GALNT1: variants seen among roughly 807,000 people sequenced by gnomAD.
GALNT1 encodes the protein polypeptide N-acetylgalactosaminyltransferase 1.
In GALNT1, 17 loss-of-function variants were observed where a neutral mutation model predicts 65.7. The observed-to-expected ratio is 0.26, with a 90% CI of 0.18 to 0.39. The LOEUF is 0.39. GALNT1 is among the 10% of genes least tolerant of loss of function. The pLI is 1.00. For synonymous variants in GALNT1, 210 were observed against 219.7 expected (o/e 0.96, Z 0.39); for missense variants, 460 against 672.8 (o/e 0.68, Z 3.50).
At chr18:35,663,506 G>GT in intron 2 of GALNT1, 122 bp from the exon 3 acceptor site, 1 of 942,136 alleles carries the variant, frequency 1.1e-6, no homozygotes, top group Non-Finnish European at 1.6e-6. Flanking sequence ...CTAGGAGAGG[G>GT]TGGGCTCAGA....
intron 6 of GALNT1, 36 bp downstream of exon 6, chr18:35,687,222 A>AAC (rs2047882371): frequency 5.0e-6 from 8 of 1,593,798 alleles, no homozygotes; most frequent in Non-Finnish European, 6.9e-6. Flanking sequence ...CTAAAGTGTT[A>AAC]TTGGCAGAAG....
chr18:35,582,645 G>A (rs1489024595), intron 1 of GALNT1, among the ~76,000 whole-genome samples: 1 of 152,156 alleles, frequency 6.6e-6, no homozygotes, highest in African/African-American at 2.4e-5. Flanking sequence ...GTTTCTGGAG[G>A]GCAGAGAATG....
In GALNT1 at chr18:35,710,770, G is replaced by A. The variant is rs1005215430; in HGVS notation, c.*1000G>A. On this transcript the variant is annotated 3_prime_UTR_variant, in exon 12 of 12. Coordinates refer to ENST00000269195, the MANE Select transcript of GALNT1 (RefSeq NM_020474.4). The stretch of plus-strand genomic sequence containing the variant: ...ACTGTACCACAGATTTGTTTTCACA[G>A]CAATAAATCTTCAGTTCTTTGTTTA... 6.6e-6 allele frequency: 1 copy of A among 152,598 alleles called. No homozygotes were observed. The highest frequency in any genetic ancestry group is 2.4e-5 in the African/African-American group (1 of 41,434). The allele number at this position is 152,598 out of a possible 1,614,324, so 9.5% of individuals were successfully genotyped here.
chr18:35,614,375 G>T (rs907739202), intron 1 of GALNT1, among the ~76,000 whole-genome samples: 3 of 151,982 alleles, frequency 2.0e-5, no homozygotes, highest in African/African-American at 7.2e-5. Context: ...TACAGAAAAA[G>T]AATTTATTAA....
At chr18:35,584,042 C>T (rs1301512029) in intron 1 of GALNT1, among the ~76,000 whole-genome samples, 1 of 152,088 alleles carries the variant, frequency 6.6e-6, no homozygotes, top group Non-Finnish European at 1.5e-5. Flanking sequence ...CTTTCTGTTC[C>T]AGAATCCAGT....
intron 1 of GALNT1, among the ~76,000 whole-genome samples, chr18:35,595,740 A>G (rs1044779938): frequency 1.3e-5 from 2 of 152,174 alleles, no homozygotes; most frequent in Non-Finnish European, 2.9e-5. Context: ...ATGTTTACAT[A>G]GTAAAATATC....
intron 9 of GALNT1, among the ~76,000 whole-genome samples, chr18:35,694,294 G>C (rs775948420): frequency 2.6e-5 from 4 of 152,086 alleles, no homozygotes; most frequent in African/African-American, 9.7e-5. Context: ...GGGCTTAAAG[G>C]GGTTTTTATT....
intron 1 of GALNT1, among the ~76,000 whole-genome samples, chr18:35,598,302 T>C (rs1420183191): frequency 1.3e-5 from 2 of 151,946 alleles, no homozygotes; most frequent in African/African-American, 4.8e-5. Context: ...TCCAAAGTAT[T>C]GGGATTACAG....
At chr18:35,655,347 A>G (rs1474379115) in intron 2 of GALNT1, among the ~76,000 whole-genome samples, 2 of 151,138 alleles carry the variant, frequency 1.3e-5, no homozygotes, top group Non-Finnish European at 2.9e-5. Context: ...CAGTGAGATC[A>G]TTGCAATATC....
intron 4 of GALNT1, among the ~76,000 whole-genome samples, chr18:35,678,747 CTT>C: frequency 6.6e-6 from 1 of 152,300 alleles, no homozygotes; most frequent in Non-Finnish European, 1.5e-5. Context: ...GTATCTTCAA[CTT>C]TCTTGCCTAT....
chr18:35,691,248 TGGA>T (rs1349510350), intron 8 of GALNT1, 56 bp downstream of exon 8: 14 of 1,463,062 alleles, frequency 9.6e-6, no homozygotes, highest in Admixed American at 4.5e-5. Flanking sequence ...ACCCTGATCC[TGGA>T]GGAGAAGTAA....
chr18:35,649,618 AT>A (rs942266688), intron 1 of GALNT1, among the ~76,000 whole-genome samples: 18 of 151,922 alleles, frequency 1.2e-4, no homozygotes, highest in Non-Finnish European at 2.5e-4. Flanking sequence ...AGTCCAGTTT[AT>A]TTTTTTTAAT....
chr18:35,679,689 G>T lies in GALNT1; in HGVS notation c.481+1932G>T, dbSNP rs144853107. Among the ~76,000 whole-genome samples, 311 of 152,236 alleles carry T rather than the reference G, an allele frequency of 2.0e-3. 9 individuals are homozygous for T. The East Asian group carries it at 0.042, about 20-fold the overall frequency. ...TCAAATATCCGGGTTACCATTTCCG[G>T]TATCTGGGAGACAGTAGATCTTTGT... is the stretch of plus-strand genomic sequence containing the variant. On this transcript the variant is annotated intron_variant, in intron 4 of 11. Coordinates refer to ENST00000269195, the MANE Select transcript of GALNT1 (RefSeq NM_020474.4).
At position 35,633,078 on chromosome 18, in the gene GALNT1, A is replaced by G. The variant is rs1317246852; in HGVS notation, c.-103-21482A>G. Reference sequence around the variant, plus strand: ...GGAGAGGTTGTGGAGAAATAGGAACACTTTTACACTGCTGGTGGGACTGTA... The same window carrying G: ...GGAGAGGTTGTGGAGAAATAGGAACGCTTTTACACTGCTGGTGGGACTGTA... On this transcript the variant is annotated intron_variant, in intron 1 of 11. Coordinates refer to ENST00000269195, the MANE Select transcript of GALNT1 (RefSeq NM_020474.4). 2.0e-5 allele frequency among the ~76,000 whole-genome samples: 3 copies of G among 152,164 alleles called. No homozygotes were observed. In the East Asian group the frequency reaches 5.8e-4, roughly 29 times the overall value.
chr18:35,649,711 G>T (rs1007071774), intron 1 of GALNT1, among the ~76,000 whole-genome samples: 1 of 152,100 alleles, frequency 6.6e-6, no homozygotes, highest in East Asian at 1.9e-4. Context: ...TTTTATTCCA[G>T]ATCTAGTTCA....
intron 3 of GALNT1, among the ~76,000 whole-genome samples, chr18:35,672,283 CT>C (rs905415918): frequency 4.6e-4 from 70 of 152,320 alleles, no homozygotes; most frequent in African/African-American, 1.7e-3. Context: ...TCCAAAGGGA[CT>C]TTTCCATCTC....
intron 1 of GALNT1, among the ~76,000 whole-genome samples, chr18:35,598,596 TC>T (rs1208785255): frequency 1.3e-5 from 2 of 152,234 alleles, no homozygotes; most frequent in Non-Finnish European, 2.9e-5. Flanking sequence ...TTCCATTCTA[TC>T]TATGTACCAC....
chr18:35,690,134 G>A (rs536039152), intron 7 of GALNT1, among the ~76,000 whole-genome samples: 29 of 152,224 alleles, frequency 1.9e-4, no homozygotes, highest in South Asian at 1.7e-3. Context: ...CTTGGTGGGG[G>A]GAATGTATTT....
intron 1 of GALNT1, among the ~76,000 whole-genome samples, chr18:35,636,498 G>A (rs79954876): frequency 0.013 from 1,966 of 152,274 alleles, 46 homozygotes; most frequent in African/African-American, 0.045. Flanking sequence ...CATAAAACCT[G>A]TTCAGAAACT....
Sources: allele counts gnomAD v4.1 joint callset (sites outside exome capture counted in the v4.1 genomes callset), GRCh38; gene constraint gnomAD v4.1.1; transcripts MANE v1.5; gene names NCBI Gene and HGNC (gene_info 2026-07-23, HGNC 2026-07-21).